DISP1: variants seen among roughly 807,000 people sequenced by gnomAD.
DISP1 encodes the protein dispatched RND transporter family member 1, also known as protein dispatched homolog 1.
DISP1 carries 30 observed loss-of-function variants against 37.3 expected under a neutral mutation model. The ratio of observed to expected loss-of-function variants is 0.80; its 90% confidence interval spans 0.60 to 1.09. The LOEUF (loss-of-function observed/expected upper bound fraction) is 1.09. Ranked by LOEUF, DISP1 falls within the 50% of genes least tolerant of loss-of-function variation. The pLI, the probability that DISP1 is intolerant of heterozygous loss-of-function variation, is 0.00. For missense variants in DISP1, 1,598 were observed against 1,879.5 expected, an observed-to-expected ratio of 0.85 and a Z score of 2.77; for synonymous variants, 634 against 690.2, an observed-to-expected ratio of 0.92 and a Z score of 1.28.
At chr1:222,881,307 TG>T (rs1670260355) in intron 1 of DISP1, among the ~76,000 whole-genome samples, 2 of 152,336 alleles carry the variant, frequency 1.3e-5, no homozygotes, top group South Asian at 4.1e-4. Flanking sequence ...GCGATTCTTC[TG>T]CCTCAGCCTC....
At chr1:222,872,310 TA>T (rs1012637872) in intron 1 of DISP1, 14 of 152,248 alleles carry the variant, frequency 9.2e-5, no homozygotes, top group Non-Finnish European at 4.4e-5. Context: ...TAAAATGAGT[TA>T]AGGAGGATTC....
chr1:222,951,384 A>T lies in DISP1; in HGVS notation c.509+8052A>T, dbSNP rs566621840. Among the ~76,000 whole-genome samples the T allele has an allele frequency of 4.1e-3, 338 of 82,684 alleles. 2 individuals carry two copies. Among genetic ancestry groups the T allele is most frequent in the African/African-American group, 0.016 (313 of 19,928 alleles). 54.2% of individuals were successfully genotyped at this position (82,684 alleles called of 152,430 possible). A position where few individuals can be genotyped will look rare whatever the true frequency, so the allele number is the denominator to read the frequency against. ...TTTAAAACAAAAAAAAAAAAGTAAG[A>T]AATGAGAATTCTCATGTTATATTAA... On this transcript the variant is annotated intron_variant, in intron 3 of 8. Transcript: ENST00000675850.
chr1:222,918,415 TGTGAA>T (rs1340705956), intron 1 of DISP1, among the ~76,000 whole-genome samples: 4 of 152,212 alleles, frequency 2.6e-5, no homozygotes, highest in African/African-American at 9.7e-5. Context: ...TGATTTTGAT[TGTGAA>T]GGAGAAATTC....
At chr1:222,845,684 T>C (rs1479653111) in intron 1 of DISP1, among the ~76,000 whole-genome samples, 1 of 152,196 alleles carries the variant, frequency 6.6e-6, no homozygotes, top group Non-Finnish European at 1.5e-5. Flanking sequence ...GTGAACTGAT[T>C]TGTTTATGTG....
intron 3 of DISP1, among the ~76,000 whole-genome samples, chr1:222,953,390 G>C (rs1278046590): frequency 6.6e-6 from 1 of 152,050 alleles, no homozygotes; most frequent in Non-Finnish European, 1.5e-5. Context: ...TACTGAACCT[G>C]GTTTAAATAA....
intron 3 of DISP1, among the ~76,000 whole-genome samples, chr1:222,968,134 G>A (rs1558058195): frequency 6.6e-6 from 1 of 152,150 alleles, no homozygotes; most frequent in Non-Finnish European, 1.5e-5. Context: ...AAACTGCACA[G>A]CACACATAAA....
intron 3 of DISP1, among the ~76,000 whole-genome samples, chr1:222,973,677 T>G (rs1393879637): frequency 6.6e-6 from 1 of 152,228 alleles, no homozygotes; most frequent in African/African-American, 2.4e-5. Flanking sequence ...AAGTCACACT[T>G]CAGTGGACAT....
chr1:222,896,320 G>A (rs1671254204), intron 1 of DISP1, among the ~76,000 whole-genome samples: 1 of 145,050 alleles, frequency 6.9e-6, no homozygotes, highest in South Asian at 2.2e-4. Flanking sequence ...AAAAAAAGAG[G>A]CTGGGCGCGG....
intron 1 of DISP1, among the ~76,000 whole-genome samples, chr1:222,851,061 ATT>A (rs971721526): frequency 0.015 from 1,900 of 127,274 alleles, 25 homozygotes; most frequent in African/African-American, 0.052. Flanking sequence ...TGCATTTTTA[ATT>A]TTTTTTTTTT....
At position 222,893,982 on chromosome 1, in the gene DISP1, G is replaced by C. The variant is rs977003127; in HGVS notation, c.-158-34448G>C. On this transcript the variant is annotated intron_variant, in intron 1 of 8. Transcript: ENST00000675850. The surrounding 1 kb of genome is among the most constrained non-coding windows in gnomAD (Gnocchi z 4.3). ...GTTCTCAGGAGACCCGAAGTGGGTA[G>C]CTCCCTCCCGCAGGCAGGTCATCCC... Among the ~76,000 whole-genome samples, 4 of 152,192 alleles carry C rather than the reference G, an allele frequency of 2.6e-5. No homozygotes were observed. The highest frequency in any genetic ancestry group is 9.6e-5 in the African/African-American group (4 of 41,460).
chr1:222,945,944 G>A (rs1270087942), intron 3 of DISP1: 1 of 152,136 alleles, frequency 6.6e-6, no homozygotes, highest in Non-Finnish European at 1.5e-5. Context: ...TAAAAGTTAT[G>A]AGAGAAATAA....
chr1:222,925,474 G>T (rs1420677531), intron 1 of DISP1, among the ~76,000 whole-genome samples: 1 of 152,030 alleles, frequency 6.6e-6, no homozygotes, highest in Non-Finnish European at 1.5e-5. Flanking sequence ...ATTTTGTCAT[G>T]GGAATTTTTG....
chr1:222,981,158 A>G (rs1677805847), intron 3 of DISP1, among the ~76,000 whole-genome samples: 1 of 152,252 alleles, frequency 6.6e-6, no homozygotes, highest in South Asian at 2.1e-4. Flanking sequence ...AGAAAAGACA[A>G]TTATTTTCTG....
intron 1 of DISP1, among the ~76,000 whole-genome samples, chr1:222,907,593 G>A (rs1031494384): frequency 4.6e-5 from 7 of 152,188 alleles, no homozygotes; most frequent in African/African-American, 1.7e-4. Flanking sequence ...TAAAAGCAGT[G>A]AGATTAGAGA....
rs544783854 is a variant in DISP1, at chr1:222,858,091, A to G, written c.-159+43013A>G. Reference sequence around the variant, plus strand: ...ATGGCACCAGTACAAAAACAGACACATAGACCAGTGGAACAGAATACAGAA... The same window carrying G: ...ATGGCACCAGTACAAAAACAGACACGTAGACCAGTGGAACAGAATACAGAA... On this transcript the variant is annotated intron_variant, in intron 1 of 8. Coordinates refer to ENST00000675850, the MANE Select transcript of DISP1 (RefSeq NM_001377229.1). Among the ~76,000 whole-genome samples the G allele has an allele frequency of 2.6e-5, 4 of 152,310 alleles. No homozygotes were observed. In the East Asian group the frequency reaches 7.7e-4, roughly 29 times the overall value.
intron 1 of DISP1, among the ~76,000 whole-genome samples, chr1:222,884,661 C>G (rs887534354): frequency 6.6e-6 from 1 of 152,066 alleles, no homozygotes; most frequent in Non-Finnish European, 1.5e-5. Context: ...GTCCGTATGC[C>G]TTATTGGTGA....
chr1:222,943,420 GA>G, intron 3 of DISP1, 88 bp downstream of exon 3: 1 of 1,556,298 alleles, frequency 6.4e-7, no homozygotes, highest in Non-Finnish European at 8.8e-7. Flanking sequence ...AAGGAGAGGA[GA>G]AAAATGAGGC....
chr1:222,890,344 G>T (rs1670873316), intron 1 of DISP1, among the ~76,000 whole-genome samples: 1 of 152,172 alleles, frequency 6.6e-6, no homozygotes, highest in South Asian at 2.1e-4. Flanking sequence ...TTAAATAAAT[G>T]ATTAAGATCA....
intron 3 of DISP1, among the ~76,000 whole-genome samples, chr1:222,975,895 T>C (rs1180440713): frequency 1.3e-5 from 2 of 152,142 alleles, no homozygotes; most frequent in Non-Finnish European, 2.9e-5. Context: ...CATACAGAAA[T>C]GCTTTCTTGA....
Sources: gnomAD v4.1 joint callset for allele counts (sites outside exome capture counted in the v4.1 genomes callset) on GRCh38, gnomAD v4.1.1 for gene constraint, Gnocchi (gnomAD v3.1) non-coding constraint, MANE v1.5 for transcripts, NCBI Gene and HGNC (gene_info 2026-07-23, HGNC 2026-07-21) for gene names.